The following ZYG11B variants were observed in gnomAD, a reference collection of about 807,000 sequenced individuals.
The protein encoded by ZYG11B is protein zyg-11 homolog B.
Under a neutral mutation model 82.4 loss-of-function variants are expected in ZYG11B, and 36 were observed. The observed-to-expected ratio is 0.44, with a 90% CI of 0.33 to 0.58. The LOEUF is 0.58. ZYG11B is among the 20% of genes least tolerant of loss of function. The pLI, the probability that ZYG11B is intolerant of heterozygous loss-of-function variation, is 0.02. For missense variants in ZYG11B, 552 were observed against 895.6 expected, an observed-to-expected ratio of 0.62 and a Z score of 4.90; for synonymous variants, 303 against 312.8, an observed-to-expected ratio of 0.97 and a Z score of 0.33.
At chr1:52,768,589 T>C (rs1270704459) in intron 2 of ZYG11B, among the ~76,000 whole-genome samples, 2 of 144,576 alleles carry the variant, frequency 1.4e-5, no homozygotes, top group Non-Finnish European at 3.0e-5. Context: ...TACCTAACCT[T>C]CTTCCTCTTT....
intron 2 of ZYG11B, among the ~76,000 whole-genome samples, chr1:52,764,275 C>T (rs1456641361): frequency 6.7e-6 from 1 of 149,102 alleles, no homozygotes; most frequent in African/African-American, 2.5e-5. Context: ...AGGCATGCAC[C>T]ACCATGCCTG....
intron 1 of ZYG11B, among the ~76,000 whole-genome samples, chr1:52,743,074 G>T (rs1393032166): frequency 2.6e-5 from 4 of 152,044 alleles, no homozygotes; most frequent in Admixed American, 6.6e-5. Context: ...AGCTCATTGT[G>T]AACGGGCCAT....
intron 4 of ZYG11B, among the ~76,000 whole-genome samples, chr1:52,783,417 G>C (rs1268128475): frequency 6.6e-6 from 1 of 152,002 alleles, no homozygotes; most frequent in East Asian, 1.9e-4. Context: ...GGGGTGAACA[G>C]CTTCCTTTCA....
chr1:52,750,814 T>G (rs1644516259), intron 1 of ZYG11B, among the ~76,000 whole-genome samples: 1 of 152,176 alleles, frequency 6.6e-6, no homozygotes, highest in African/African-American at 2.4e-5. Context: ...ATCTCCTTTC[T>G]GTCTCTGTAC....
intron 10 of ZYG11B, among the ~76,000 whole-genome samples, chr1:52,810,833 A>G (rs959052496): frequency 5.3e-5 from 8 of 152,140 alleles, no homozygotes; most frequent in Non-Finnish European, 1.0e-4. Context: ...TCAGGAGTTC[A>G]AGACCAGCCT....
intron 12 of ZYG11B, 63 bp downstream of exon 12, chr1:52,813,975 A>T: frequency 1.3e-6 from 2 of 1,505,268 alleles, no homozygotes; most frequent in Non-Finnish European, 1.8e-6. Flanking sequence ...CCTAAGAGTC[A>T]TTCCTACTAG....
chr1:52,760,304 C>T (rs1222268096), intron 2 of ZYG11B, among the ~76,000 whole-genome samples: 10 of 152,002 alleles, frequency 6.6e-5, no homozygotes, highest in African/African-American at 2.4e-4. Flanking sequence ...ATTAGCCCGG[C>T]GTGGTGGCGG....
chr1:52,789,418 T>A (rs1487965613), intron 5 of ZYG11B, among the ~76,000 whole-genome samples: 2 of 152,190 alleles, frequency 1.3e-5, no homozygotes, highest in African/African-American at 4.8e-5. Context: ...CCACACTTAT[T>A]TTCTTATTTT....
intron 5 of ZYG11B, among the ~76,000 whole-genome samples, chr1:52,788,489 A>G (rs1444859466): frequency 6.6e-6 from 1 of 152,236 alleles, no homozygotes; most frequent in African/African-American, 2.4e-5. Context: ...ATTCAGATAC[A>G]GAAACACATA....
intron 2 of ZYG11B, among the ~76,000 whole-genome samples, chr1:52,759,972 A>G (rs1421317557): frequency 2.0e-5 from 3 of 152,128 alleles, no homozygotes; most frequent in African/African-American, 7.2e-5. Context: ...CTGGGGTTAC[A>G]GGCATGTGCC....
chr1:52,767,006 C>CAA (rs113377024), intron 2 of ZYG11B, among the ~76,000 whole-genome samples: 42,217 of 138,086 alleles, frequency 0.31, 7,259 homozygotes, highest in Admixed American at 0.44. Context: ...GACTCCGTCT[C>CAA]AAAAAAAAAA....
rs764958653 is a variant in ZYG11B at position 52,801,863 on chromosome 1, G to A, written c.1530G>A (p.Val510=). The change falls in exon 9 of 14, where the codon GTG becomes GTA. Residue 510 remains valine, a synonymous_variant. Coordinates refer to ENST00000294353, the MANE Select transcript of ZYG11B (RefSeq NM_024646.3). ...AGCAGAAAACCAATCAAAATTCAGT[G>A]GACACTACATTGAAATTTACTTTGA... The part of the protein sequence containing the change: ...IVKQKTNQNS[V]DTTLKFTLSA... 1.2e-6 allele frequency: 2 copies of A among 1,607,560 alleles called. No homozygotes were observed. Among genetic ancestry groups the A allele is most frequent in the Middle Eastern group, 3.3e-4 (2 of 6,062 alleles).
intron 13 of ZYG11B, among the ~76,000 whole-genome samples, chr1:52,818,436 T>A (rs1463189026): frequency 6.6e-6 from 1 of 151,600 alleles, no homozygotes; most frequent in Non-Finnish European, 1.5e-5. Flanking sequence ...GATGGCACCA[T>A]GCACTCTGGC....
At chr1:52,733,934 GA>G (rs1644356724) in intron 1 of ZYG11B, among the ~76,000 whole-genome samples, 1 of 152,054 alleles carries the variant, frequency 6.6e-6, no homozygotes, top group Admixed American at 6.6e-5. Context: ...TTTTATAAAG[GA>G]GAAAATTTTA....
chr1:52,755,638 A>T (rs1440016660), intron 1 of ZYG11B, among the ~76,000 whole-genome samples: 1 of 152,170 alleles, frequency 6.6e-6, no homozygotes. Context: ...AGTAGCTGGG[A>T]TTACAGGCAT....
intron 3 of ZYG11B, chr1:52,772,155 G>A (rs1644758368): frequency 1.5e-6 from 2 of 1,340,356 alleles, no homozygotes; most frequent in African/African-American, 1.4e-5. Flanking sequence ...TTTTATTTTA[G>A]TTAAACAATC....
chr1:52,772,641 C>T (rs1042936184), intron 3 of ZYG11B: 10 of 924,196 alleles, frequency 1.1e-5, no homozygotes, highest in East Asian at 2.4e-5. Flanking sequence ...AGCACGCATA[C>T]GACCCATGAT....
At chr1:52,805,523 A>T (rs1185363723) in intron 10 of ZYG11B, 1 of 455,670 alleles carries the variant, frequency 2.2e-6, no homozygotes, top group African/African-American at 2.0e-5. Context: ...TGAAACGGAA[A>T]GGTGAAATTT....
intron 2 of ZYG11B, among the ~76,000 whole-genome samples, chr1:52,758,717 A>G (rs2149931202): frequency 6.6e-6 from 1 of 152,290 alleles, no homozygotes; most frequent in East Asian, 1.9e-4. Context: ...ATAATTTAGG[A>G]AAGAAGAAGA....
Sources: gnomAD v4.1 joint callset for allele counts (sites outside exome capture counted in the v4.1 genomes callset) on GRCh38, gnomAD v4.1.1 for gene constraint, MANE v1.5 for transcripts, NCBI Gene and HGNC (gene_info 2026-07-23, HGNC 2026-07-21) for gene names.